Variants in TNFSF4 observed in about 807,000 individuals in gnomAD.
TNFSF4 encodes the protein TNF superfamily member 4.
Under a neutral mutation model 7.3 loss-of-function variants are expected in TNFSF4, and 4 were observed. The observed-to-expected ratio is 0.55, with a 90% CI of 0.27 to 1.25. The LOEUF is 1.25. Among genes scored for constraint, TNFSF4 ranks in the 50% most tolerant of loss-of-function variants. The probability of loss-of-function intolerance (pLI) is 0.12; values close to 1 mark genes in which losing one functional copy is unlikely to be tolerated. For missense variants in TNFSF4, 181 were observed against 208.8 expected (o/e 0.87, Z 0.82); for synonymous variants, 76 against 83.7 (o/e 0.91, Z 0.50).
At chr1:173,346,411 A>G in the TNFSF4 span, among the ~76,000 whole-genome samples, 12 of 152,198 alleles carry the variant, frequency 7.9e-5, no homozygotes, top group Non-Finnish European at 1.3e-4. Context: ...CCCATAAAGG[A>G]GAGGTCTAAA....
At chr1:173,390,089 A>G in the TNFSF4 span, among the ~76,000 whole-genome samples, 1 of 152,156 alleles carries the variant, frequency 6.6e-6, no homozygotes, top group Non-Finnish European at 1.5e-5. Context: ...CATATATGGT[A>G]ATTTCTTGGT....
At chr1:173,441,855 C>G in the TNFSF4 span, 1 of 152,142 alleles carries the variant, frequency 6.6e-6, no homozygotes, top group East Asian at 1.9e-4. Context: ...GCTTAACTCT[C>G]CAGGGTGAAG....
the TNFSF4 span, among the ~76,000 whole-genome samples, chr1:173,322,291 C>T: frequency 1.3e-5 from 2 of 151,834 alleles, no homozygotes; most frequent in African/African-American, 2.4e-5. Flanking sequence ...CAGAGGGAAG[C>T]GTCTAGGTTT....
chr1:173,378,422 G>C, the TNFSF4 span, among the ~76,000 whole-genome samples: 1 of 152,156 alleles, frequency 6.6e-6, no homozygotes. Context: ...AACCACGGGC[G>C]GTTTGTCTTT....
At chr1:173,423,456 T>C in the TNFSF4 span, among the ~76,000 whole-genome samples, 1 of 152,204 alleles carries the variant, frequency 6.6e-6, no homozygotes, top group Non-Finnish European at 1.5e-5. Flanking sequence ...GCCTTTCATA[T>C]ACCAAGTATG....
chr1:173,279,238 T>G, the TNFSF4 span, among the ~76,000 whole-genome samples: 5 of 152,138 alleles, frequency 3.3e-5, no homozygotes, highest in African/African-American at 9.7e-5. Context: ...CTTTTGATCT[T>G]TTTGTGACAT....
At chr1:173,407,559 C>CAAAAA in the TNFSF4 span, among the ~76,000 whole-genome samples, 6 of 72,034 alleles carry the variant, frequency 8.3e-5, no homozygotes, top group East Asian at 4.6e-4. Context: ...GACTCTGCCT[C>CAAAAA]AAAAAAAAAA....
the TNFSF4 span, among the ~76,000 whole-genome samples, chr1:173,370,861 G>A: frequency 6.6e-6 from 1 of 152,168 alleles, no homozygotes; most frequent in African/African-American, 2.4e-5. Context: ...AGAAAATGGA[G>A]CAGGCCAATC....
At chr1:173,254,070 T>G in the TNFSF4 span, among the ~76,000 whole-genome samples, 2 of 152,184 alleles carry the variant, frequency 1.3e-5, no homozygotes, top group African/African-American at 4.8e-5. Flanking sequence ...GGGGAGCAAT[T>G]TGAACAAATT....
chr1:173,339,689 AAGG>A, the TNFSF4 span, among the ~76,000 whole-genome samples: 25 of 152,322 alleles, frequency 1.6e-4, 1 homozygote, highest in African/African-American at 5.1e-4. Flanking sequence ...ATGGGATATC[AAGG>A]AGAAGAATAA....
At chr1:173,436,647 A>T in the TNFSF4 span, among the ~76,000 whole-genome samples, 3 of 152,076 alleles carry the variant, frequency 2.0e-5, no homozygotes, top group African/African-American at 4.8e-5. Context: ...TGACCTCATG[A>T]TCCACCTGCC....
chr1:173,289,393 A>G, the TNFSF4 span, among the ~76,000 whole-genome samples: 1 of 152,210 alleles, frequency 6.6e-6, no homozygotes, highest in Non-Finnish European at 1.5e-5. Context: ...AAACAATTTT[A>G]AAATGAATAA....
intron 1 of TNFSF4, among the ~76,000 whole-genome samples, chr1:173,190,780 C>G (rs560598086): frequency 7.8e-4 from 119 of 152,292 alleles, no homozygotes; most frequent in African/African-American, 2.8e-3. Context: ...AGAAAGAAGC[C>G]CTCTGTGGAG....
chr1:173,265,867 T>A, the TNFSF4 span, among the ~76,000 whole-genome samples: 1 of 152,188 alleles, frequency 6.6e-6, no homozygotes, highest in South Asian at 2.1e-4. Flanking sequence ...CTCTAATGCT[T>A]CCTCCGATAT....
At chr1:173,321,964 G>T in the TNFSF4 span, among the ~76,000 whole-genome samples, 21 of 152,170 alleles carry the variant, frequency 1.4e-4, no homozygotes, top group African/African-American at 5.1e-4. Flanking sequence ...CCATTACTGA[G>T]TATATACCCA....
At chr1:173,295,133 C>T in the TNFSF4 span, among the ~76,000 whole-genome samples, 1 of 151,984 alleles carries the variant, frequency 6.6e-6, no homozygotes, top group Admixed American at 6.6e-5. Flanking sequence ...TCATACACTG[C>T]TGGTGGAAGC....
chr1:173,316,534 G>A, the TNFSF4 span, among the ~76,000 whole-genome samples: 1 of 151,898 alleles, frequency 6.6e-6, no homozygotes, highest in Non-Finnish European at 1.5e-5. Flanking sequence ...ACCACACCAT[G>A]ATTAGTTTAT....
the TNFSF4 span, among the ~76,000 whole-genome samples, chr1:173,226,051 T>C: frequency 6.6e-6 from 1 of 152,244 alleles, no homozygotes; most frequent in Non-Finnish European, 1.5e-5. Context: ...ATGTGATCTC[T>C]TTTAAGTTAA....
chr1:173,243,006 G>T, the TNFSF4 span, among the ~76,000 whole-genome samples: 2,331 of 42,370 alleles, frequency 0.055, 242 homozygotes, highest in African/African-American at 0.13. Flanking sequence ...TTGGTGGGTG[G>T]GGGGGGGGGG....
Sources: allele counts gnomAD v4.1 joint callset (sites outside exome capture counted in the v4.1 genomes callset), GRCh38; gene constraint gnomAD v4.1.1; transcripts MANE v1.5; gene names NCBI Gene and HGNC (gene_info 2026-07-23, HGNC 2026-07-21).